DAP: variants seen among roughly 807,000 people sequenced by gnomAD.
DAP encodes death-associated protein 1.
A neutral mutation model predicts 13.8 loss-of-function variants in DAP; 8 were observed. That is an observed-to-expected ratio of 0.58 (90% confidence interval 0.34 to 1.05). DAP has a LOEUF of 1.05. DAP is among the 50% of genes least tolerant of loss of function. The pLI is 0.03. For missense variants in DAP, 106 were observed against 133.2 expected (o/e 0.80, Z 1.01); for synonymous variants, 47 against 47.5 (o/e 0.99, Z 0.04).
intron 2 of DAP, among the ~76,000 whole-genome samples, chr5:10,684,710 C>T (rs923476500): frequency 1.3e-5 from 2 of 152,180 alleles, no homozygotes; most frequent in East Asian, 3.8e-4. Flanking sequence ...CTCTTCTGTA[C>T]ACTTATTTTT....
intron 2 of DAP, among the ~76,000 whole-genome samples, chr5:10,746,783 C>T (rs367812237): frequency 1.1e-4 from 16 of 152,142 alleles, no homozygotes; most frequent in African/African-American, 3.1e-4. Context: ...GTGGCCGCTC[C>T]GTAACTCATA....
chr5:10,760,953 C>A, intron 1 of DAP, 61 bp downstream of exon 1: 1 of 1,092,340 alleles, frequency 9.2e-7, no homozygotes, highest in Non-Finnish European at 1.2e-6. Context: ...CCGCCCGGCG[C>A]CCCCGGGTTC....
intron 2 of DAP, among the ~76,000 whole-genome samples, chr5:10,694,986 G>T (rs1452802646): frequency 6.6e-6 from 1 of 152,220 alleles, no homozygotes; most frequent in Non-Finnish European, 1.5e-5. Context: ...TTCCCAGTAA[G>T]TCGATGGAAA....
At chr5:10,703,157 T>G (rs1738622151) in intron 2 of DAP, among the ~76,000 whole-genome samples, 1 of 152,248 alleles carries the variant, frequency 6.6e-6, no homozygotes, top group African/African-American at 2.4e-5. Context: ...GAGGAATGAC[T>G]CACTCTGGGC....
chr5:10,751,368 G>A (rs998747714), intron 1 of DAP, among the ~76,000 whole-genome samples: 2 of 152,142 alleles, frequency 1.3e-5, no homozygotes, highest in African/African-American at 2.4e-5. Flanking sequence ...ATCAGAAATG[G>A]AGACTGAAAA....
chr5:10,698,649 T>C (rs1306286434), intron 2 of DAP, among the ~76,000 whole-genome samples: 1 of 152,222 alleles, frequency 6.6e-6, no homozygotes, highest in Non-Finnish European at 1.5e-5. Flanking sequence ...CCCTAAGGTT[T>C]ATTGTGGTTT....
intron 2 of DAP, among the ~76,000 whole-genome samples, chr5:10,696,877 TC>T (rs1219195073): frequency 2.0e-5 from 3 of 152,046 alleles, no homozygotes; most frequent in Non-Finnish European, 4.4e-5. Context: ...GAGAAAAGGT[TC>T]CCCCAGCACC....
At chr5:10,687,455 T>C (rs1738183416) in intron 2 of DAP, among the ~76,000 whole-genome samples, 1 of 152,212 alleles carries the variant, frequency 6.6e-6, no homozygotes. Flanking sequence ...AACAGGAGTT[T>C]GGAAGAAGCT....
intron 1 of DAP, among the ~76,000 whole-genome samples, chr5:10,759,044 A>T (rs528277252): frequency 6.6e-6 from 1 of 152,270 alleles, no homozygotes; most frequent in East Asian, 1.9e-4. Context: ...AAAATCAGCC[A>T]GGTGTGGTGG....
At chr5:10,698,746 A>C (rs1206558892) in intron 2 of DAP, among the ~76,000 whole-genome samples, 1 of 152,182 alleles carries the variant, frequency 6.6e-6, no homozygotes, top group Non-Finnish European at 1.5e-5. Flanking sequence ...TCATCCATCT[A>C]TCTGTCAACA....
Position 10,742,463 on chromosome 5 carries a change from G to A in DAP, c.152+5712C>T, listed in dbSNP as rs145918911. Among the ~76,000 whole-genome samples, 604 of 152,252 alleles carry A rather than the reference G, an allele frequency of 4.0e-3. 27 individuals are homozygous for A. In the South Asian group the frequency reaches 0.073, roughly 18 times the overall value. On this transcript the variant is annotated intron_variant, in intron 2 of 3. Transcript: ENST00000230895. ...AATCACTTGAAACCGGAAGACAGAG[G>A]TTGCAGTGAGCTGAGATCATACCAC... is the stretch of plus-strand genomic sequence containing the variant.
intron 2 of DAP, among the ~76,000 whole-genome samples, chr5:10,722,973 G>A (rs901931507): frequency 7.2e-5 from 11 of 152,094 alleles, no homozygotes; most frequent in South Asian, 4.1e-4. Context: ...CTCTTTACAC[G>A]TCTTTATGCT....
intron 2 of DAP, among the ~76,000 whole-genome samples, chr5:10,736,373 T>C (rs1297072731): frequency 6.6e-6 from 1 of 152,192 alleles, no homozygotes. Context: ...GAGATGAGAA[T>C]GGCTTTGTCC....
intron 2 of DAP, among the ~76,000 whole-genome samples, chr5:10,697,224 G>T (rs1738457181): frequency 6.6e-6 from 1 of 152,118 alleles, no homozygotes; most frequent in South Asian, 2.1e-4. Flanking sequence ...AAAGGCTCCT[G>T]GCACTGCCCT....
chr5:10,724,412 T>C (rs1314165272), intron 2 of DAP, among the ~76,000 whole-genome samples: 1 of 152,218 alleles, frequency 6.6e-6, no homozygotes, highest in Non-Finnish European at 1.5e-5. Flanking sequence ...CATTTTCTTT[T>C]CTCTATAAAA....
intron 2 of DAP, among the ~76,000 whole-genome samples, chr5:10,722,102 G>C (rs1021376321): frequency 6.6e-6 from 1 of 152,162 alleles, no homozygotes; most frequent in Non-Finnish European, 1.5e-5. Flanking sequence ...ACAAGGGATG[G>C]ACTTGTGGTG....
At chr5:10,728,393 G>T (rs1187473794) in intron 2 of DAP, among the ~76,000 whole-genome samples, 1 of 152,022 alleles carries the variant, frequency 6.6e-6, no homozygotes, top group Non-Finnish European at 1.5e-5. Context: ...TAAAATCCTG[G>T]GGGAAAGATT....
intron 1 of DAP, among the ~76,000 whole-genome samples, chr5:10,758,206 CTTT>C (rs201315835): frequency 1.4e-5 from 2 of 142,280 alleles, no homozygotes; most frequent in Admixed American, 7.0e-5. Context: ...AGTGGGCCGC[CTTT>C]TTTTTTTTTT....
intron 2 of DAP, among the ~76,000 whole-genome samples, chr5:10,690,137 G>GTGT (rs1314581065): frequency 5.9e-5 from 9 of 152,180 alleles, no homozygotes. Flanking sequence ...TTCAAGAATT[G>GTGT]TGTTGCATGA....
Sources: gnomAD v4.1 joint callset for allele counts (sites outside exome capture counted in the v4.1 genomes callset) on GRCh38, gnomAD v4.1.1 for gene constraint, MANE v1.5 for transcripts, NCBI Gene and HGNC (gene_info 2026-07-23, HGNC 2026-07-21) for gene names.